The following CHRNG variants were observed in gnomAD, a reference collection of about 807,000 sequenced individuals.
CHRNG encodes cholinergic receptor nicotinic gamma subunit.
A neutral mutation model predicts 65.2 loss-of-function variants in CHRNG; 72 were observed. That is an observed-to-expected ratio of 1.10 (90% CI 0.91 to 1.34). The LOEUF (loss-of-function observed/expected upper bound fraction) is 1.34. Among genes scored for constraint, CHRNG ranks in the 40% most tolerant of loss-of-function variants. The pLI, the probability that CHRNG is intolerant of heterozygous loss-of-function variation, is 0.00. For missense variants in CHRNG, 637 were observed against 680.1 expected (o/e 0.94, Z 0.70); for synonymous variants, 284 against 290.2 (o/e 0.98, Z 0.22).
intron 11 of CHRNG, among the ~76,000 whole-genome samples, chr2:232,545,115 G>A (rs1200750509): frequency 6.6e-6 from 1 of 152,110 alleles, no homozygotes; most frequent in African/African-American, 2.4e-5. Context: ...TGGCCAACAT[G>A]GCAAAACCCT....
In CHRNG at chr2:232,547,658, A is replaced by C. The variant is rs1208325730; in HGVS notation, c.*1942A>C. On this transcript the variant is annotated 3_prime_UTR_variant, in exon 12 of 12. Transcript: ENST00000651502. ...CAGAGTCAGAGCTATAGAGAACTAG[A>C]GGAGTTAGGGAGAGTGGGGGAGAAC... Among the ~76,000 whole-genome samples, 1 of 152,166 alleles carries C rather than the reference A, an allele frequency of 6.6e-6. No homozygotes were observed. The highest frequency in any genetic ancestry group is 1.5e-5 in the Non-Finnish European group (1 of 68,022).
At chr2:232,542,360 T>A (rs1559303739) in intron 5 of CHRNG, 63 bp from the exon 6 acceptor site, 9 of 1,071,752 alleles carry the variant, frequency 8.4e-6, no homozygotes, top group Non-Finnish European at 1.3e-5. Flanking sequence ...CAGAAGGTCA[T>A]CCCCATGCAG....
In CHRNG at chr2:232,544,449, G is replaced by A. The variant is rs144755776; in HGVS notation, c.1118G>A (p.Arg373Gln). The part of the protein sequence containing the change: ...APAAVQDTQS[R>Q]LQNGSSGWSI... The stretch of plus-strand genomic sequence containing the variant: ...GCAGCTGTGCAGGACACCCAGTCCC[G>A]GCTACAGAATGGCTCCTCGGGATGG... The change falls in exon 10 of 12, where the codon CGG (arginine) becomes CAG (glutamine). Residue 373 changes from arginine (R) to glutamine (Q), a missense_variant. Coordinates refer to ENST00000651502, the MANE Select transcript of CHRNG (RefSeq NM_005199.5). 221 of 1,613,704 alleles carry A rather than the reference G, an allele frequency of 1.4e-4. No homozygotes were observed. The highest frequency in any genetic ancestry group is 5.5e-4 in the African/African-American group (41 of 75,050).
Position 232,543,804 on chromosome 2 carries a change from A to T in CHRNG, c.1035+105A>T, listed in dbSNP as rs72991926. 142,417 of 747,170 alleles carry T rather than the reference A, an allele frequency of 0.19. 14,290 individuals are homozygous for T. The highest frequency in any genetic ancestry group is 0.24 in the Middle Eastern group (1,050 of 4,400). 46.3% of individuals were successfully genotyped at this position (747,170 alleles called of 1,614,324 possible). The stretch of plus-strand genomic sequence containing the variant: ...ACCTGTGGCATTCCACAGCACACCC[A>T]TCCTGGGCGTATCTGGACGCATGGA... On this transcript the variant is annotated intron_variant, in intron 9 of 11. Transcript: ENST00000651502.
In CHRNG at chr2:232,541,701, C is replaced by T. The variant is rs1692020068; in HGVS notation, c.506+172C>T. The stretch of plus-strand genomic sequence containing the variant: ...CTCAGGCTAAGACACCTGAAGGTGC[C>T]CAAGCTCTCCCTGCTAAGCCCGAGT... On this transcript the variant is annotated intron_variant, in intron 5 of 11. Coordinates refer to ENST00000651502, the MANE Select transcript of CHRNG (RefSeq NM_005199.5). The surrounding 1 kb of genome is among the most constrained non-coding windows in gnomAD (Gnocchi z 4.0). 6 of 735,702 alleles carry T rather than the reference C, an allele frequency of 8.2e-6. No homozygotes were observed. The South Asian group carries it at 1.0e-4, about 12-fold the overall frequency. The allele number at this position is 735,702 out of a possible 1,614,324, so 45.6% of individuals were successfully genotyped here.
chr2:232,541,321 G>A lies in CHRNG; in HGVS notation c.351-53G>A. On this transcript the variant is annotated intron_variant, in intron 4 of 11. Coordinates refer to ENST00000651502, the MANE Select transcript of CHRNG (RefSeq NM_005199.5). The surrounding 1 kb of genome is among the most constrained non-coding windows in gnomAD (Gnocchi z 4.0). ...GCACAGGGGCTGGTCTGGGGCTGGG[G>A]TGTCGGGGGCTGAGCCCACAGCCTC... is the stretch of plus-strand genomic sequence containing the variant. 14 of 1,611,212 alleles carry A rather than the reference G, an allele frequency of 8.7e-6. No homozygotes were observed. The highest frequency in any genetic ancestry group is 1.2e-5 in the Non-Finnish European group (14 of 1,178,514).
chr2:232,540,013 A>C lies in CHRNG; in HGVS notation c.77A>C (p.Glu26Ala). 6.2e-7 allele frequency: 1 copy of C among 1,614,162 alleles called. No homozygotes were observed. The highest frequency in any genetic ancestry group is 8.5e-7 in the Non-Finnish European group (1 of 1,180,016). Residue 26 changes from glutamate to alanine, a missense_variant, in exon 2 of 12, where the codon GAG becomes GCG. Coordinates refer to ENST00000651502, the MANE Select transcript of CHRNG (RefSeq NM_005199.5). The surrounding 1 kb of genome is among the most constrained non-coding windows in gnomAD (Gnocchi z 4.2). ...VCLGAQGRNQEERLLADLMQN... is the reference protein window; with the variant it reads ...VCLGAQGRNQAERLLADLMQN... ...GCAGGGGCCCAGGGCCGGAACCAGG[A>C]GGAGCGCCTGCTCGCAGACCTGATG... is the stretch of plus-strand genomic sequence containing the variant.
rs201857172 is a variant in CHRNG at position 232,543,358 on chromosome 2, G to A, written c.889G>A (p.Glu297Lys). Residue 297 changes from glutamate (E) to lysine (K), a missense_variant, in exon 8 of 12, where the codon GAA (glutamate) becomes AAA (lysine). Glu to Lys is a moderately conservative substitution (Grantham distance 56). Transcript: ENST00000651502. ...FLFLVAKKVP[E>K]TSQAVPLISK... ...CTTCCTTGTGGCCAAGAAGGTGCCT[G>A]AAACCTCCCAGGCGGTGCCACTCAT... 3 of 1,614,044 alleles carry A rather than the reference G, an allele frequency of 1.9e-6. No individual in the cohort carries two copies. The highest frequency in any genetic ancestry group is 1.7e-6 in the Non-Finnish European group (2 of 1,179,952).
At position 232,544,853 on chromosome 2, in the gene CHRNG, C is replaced by A. The variant is rs1692094926; in HGVS notation, c.1331C>A (p.Ala444Asp). Residue 444 changes from alanine to aspartate, a missense_variant, in exon 11 of 12, where the codon GCC becomes GAC. Transcript: ENST00000651502. ...AAPAIQACVE[A>D]CNLIACARHQ... ...CCAGCCATCCAGGCCTGTGTGGAAGCCTGCAACCTCATTGCCTGTGCCCGG... is the reference window on the plus strand; with the variant it reads ...CCAGCCATCCAGGCCTGTGTGGAAGACTGCAACCTCATTGCCTGTGCCCGG... 6.2e-7 allele frequency: 1 copy of A among 1,614,002 alleles called. No homozygotes were observed. The highest frequency in any genetic ancestry group is 1.6e-4 in the Middle Eastern group (1 of 6,062).
Position 232,544,783 on chromosome 2 carries a change from GA to G in CHRNG, c.1262del (p.Glu421GlyfsTer2). The stretch of plus-strand genomic sequence containing the variant: ...TTTCTCTTTATCAGAGAAAGGCCCG[GA>G]GTTAGGGCTGAGCCAGTTCTGTGGC... ...AALEKLEKGP[E>X]LGLSQFCGSL... is the part of the protein sequence containing the mutation. On this transcript the variant is annotated frameshift_variant, in exon 11 of 12. Transcript: ENST00000651502. LOFTEE classifies it high-confidence loss of function. 6.2e-7 allele frequency: 1 copy of G among 1,614,022 alleles called. No homozygotes were observed. Among genetic ancestry groups the G allele is most frequent in the Non-Finnish European group, 8.5e-7 (1 of 1,180,018 alleles).
In CHRNG at chr2:232,540,557, G is replaced by C. The variant is rs751801389; in HGVS notation, c.241-45G>C. The C allele has an allele frequency of 1.9e-6, 3 of 1,602,624 alleles. No individual in the cohort carries two copies. Among genetic ancestry groups the C allele is most frequent in the South Asian group, 1.1e-5 (1 of 90,720 alleles). On this transcript the variant is annotated intron_variant, in intron 3 of 11. Transcript: ENST00000651502. This position sits in a 1 kb window ranked among gnomAD's most constrained non-coding sequence, Gnocchi z 4.2. ...CTGGATGCCCACTCCTAGGGCTGTG[G>C]TGCAGCAGAGGGCAGAGGCCTAGCA...
intron 9 of CHRNG, 106 bp from the exon 10 acceptor site, chr2:232,544,261 G>A (rs563615750): frequency 3.3e-5 from 29 of 876,970 alleles, no homozygotes; most frequent in African/African-American, 9.8e-5. Flanking sequence ...TCACTGCCCC[G>A]GTATGCTGCC....
chr2:232,542,806 G>A, intron 6 of CHRNG, 76 bp from the exon 7 acceptor site: 1 of 1,339,016 alleles, frequency 7.5e-7, no homozygotes, highest in East Asian at 2.4e-5. Flanking sequence ...TGCCCTTGCA[G>A]CTGGGTCACT....
chr2:232,546,188 T>TC lies in CHRNG; in HGVS notation c.*479dup, dbSNP rs944212325. On this transcript the variant is annotated 3_prime_UTR_variant, in exon 12 of 12. Coordinates refer to ENST00000651502, the MANE Select transcript of CHRNG (RefSeq NM_005199.5). The stretch of plus-strand genomic sequence containing the variant: ...GCAGCAGCCCATACCAGCTGGCATC[T>TC]CCCCCCCGTGCCTTCTGGGTACAAT... 1.2e-4 allele frequency: 27 copies of TC among 219,112 alleles called. No homozygotes were observed. The highest frequency in any genetic ancestry group is 2.3e-4 in the African/African-American group (10 of 44,070). 13.6% of individuals were successfully genotyped at this position (219,112 alleles called of 1,614,324 possible). A position where few individuals can be genotyped will look rare whatever the true frequency, so the allele number is the denominator to read the frequency against.
At position 232,540,413 on chromosome 2, in the gene CHRNG, C is replaced by T; in HGVS notation, c.228C>T (p.Val76=). 1.2e-6 allele frequency: 2 copies of T among 1,614,066 alleles called. No individual in the cohort carries two copies. The highest frequency in any genetic ancestry group is 1.7e-6 in the Non-Finnish European group (2 of 1,179,994). ...GAGAGGAAGCCCTCACCACCAATGTCTGGATAGAGATGGTAAGAGGCCACC... is the reference window on the plus strand; with the variant it reads ...GAGAGGAAGCCCTCACCACCAATGTTTGGATAGAGATGGTAAGAGGCCACC... ...NEREEALTTN[V]WIEMQWCDYR... is the part of the protein sequence containing the mutation. The change falls in exon 3 of 12, where the codon GTC becomes GTT. Residue 76 remains valine, a synonymous_variant. Transcript: ENST00000651502. The surrounding 1 kb of genome is among the most constrained non-coding windows in gnomAD (Gnocchi z 4.2).
chr2:232,540,296 G>A lies in CHRNG; in HGVS notation c.196-85G>A. The A allele has an allele frequency of 6.9e-6, 11 of 1,602,846 alleles. No individual in the cohort carries two copies. The South Asian group carries it at 1.1e-4, about 16-fold the overall frequency. On this transcript the variant is annotated intron_variant, in intron 2 of 11. Coordinates refer to ENST00000651502, the MANE Select transcript of CHRNG (RefSeq NM_005199.5). This position sits in a 1 kb window ranked among gnomAD's most constrained non-coding sequence, Gnocchi z 4.2. ...GGGGGAGTACTATCAAGAGGCTGGG[G>A]GATGCTTGGCCCCATTGGTGGCCTG...
chr2:232,546,360 G>A lies in CHRNG; in HGVS notation c.*644G>A, dbSNP rs1320655641. On this transcript the variant is annotated 3_prime_UTR_variant, in exon 12 of 12. Transcript: ENST00000651502. ...TGATGTGTTGTTGTTGTTTTGTTTA[G>A]TTTTGAGATAGAGCCTCACTCTTGT... 1 of 119,242 alleles carries A rather than the reference G, an allele frequency of 8.4e-6. No individual in the cohort carries two copies. The highest frequency in any genetic ancestry group is 3.5e-5 in the African/African-American group (1 of 28,508). 7.4% of individuals were successfully genotyped at this position (119,242 alleles called of 1,614,324 possible). A position where few individuals can be genotyped will look rare whatever the true frequency, so the allele number is the denominator to read the frequency against.
At position 232,547,474 on chromosome 2, in the gene CHRNG, G is replaced by T. The variant is rs559878427; in HGVS notation, c.*1758G>T. On this transcript the variant is annotated 3_prime_UTR_variant, in exon 12 of 12. Coordinates refer to ENST00000651502, the MANE Select transcript of CHRNG (RefSeq NM_005199.5). ...AGAAAAGTGAAAGTGCCACATAAAGGCCTGACGACAGGATATGCTGGCAGG... is the reference window on the plus strand; with the variant it reads ...AGAAAAGTGAAAGTGCCACATAAAGTCCTGACGACAGGATATGCTGGCAGG... Among the ~76,000 whole-genome samples the T allele has an allele frequency of 3.3e-5, 5 of 152,244 alleles. No homozygotes were observed. The highest frequency in any genetic ancestry group is 4.1e-4 in the South Asian group (2 of 4,820).
At chr2:232,539,889 C>T (rs1691977692) in intron 1 of CHRNG, 87 bp downstream of exon 1, 1 of 1,608,740 alleles carries the variant, frequency 6.2e-7, no homozygotes, top group East Asian at 2.2e-5. Context: ...GGTATTGGGG[C>T]CTGCCCTGGA....
Sources: allele counts gnomAD v4.1 joint callset (sites outside exome capture counted in the v4.1 genomes callset), GRCh38; gene constraint gnomAD v4.1.1; non-coding constraint Gnocchi (gnomAD v3.1); transcripts MANE v1.5; gene names NCBI Gene and HGNC (gene_info 2026-07-23, HGNC 2026-07-21).